ABCG2: variants seen among roughly 807,000 people sequenced by gnomAD.
ABCG2 encodes broad substrate specificity ATP-binding cassette transporter ABCG2.
A neutral mutation model predicts 73.5 loss-of-function variants in ABCG2; 80 were observed. The ratio of observed to expected loss-of-function variants is 1.09; its 90% CI spans 0.91 to 1.31. ABCG2 has a LOEUF of 1.31. ABCG2 is among the 50% of genes most tolerant of loss of function. The pLI, the probability that ABCG2 is intolerant of heterozygous loss-of-function variation, is 0.00. For missense variants in ABCG2, 796 were observed against 786.2 expected (o/e 1.01, Z -0.15); for synonymous variants, 269 against 282.4 (o/e 0.95, Z 0.48).
chr4:88,137,964 G>C (rs1350435190), intron 2 of ABCG2, among the ~76,000 whole-genome samples: 2 of 152,078 alleles, frequency 1.3e-5, no homozygotes, highest in Non-Finnish European at 2.9e-5. Flanking sequence ...AGGCCAGCCT[G>C]GGCAACGTAG....
At chr4:88,115,620 C>G (rs1053846381) in intron 7 of ABCG2, among the ~76,000 whole-genome samples, 1 of 124,772 alleles carries the variant, frequency 8.0e-6, no homozygotes, top group Non-Finnish European at 1.7e-5. Context: ...TGTCTCTGGG[C>G]CAAAAAAAAA....
intron 2 of ABCG2, 149 bp from the exon 3 acceptor site, chr4:88,132,784 A>G: frequency 1.1e-6 from 1 of 881,930 alleles, no homozygotes; most frequent in South Asian, 1.6e-5. Context: ...ACAAACAAAC[A>G]AAACAGGTCA....
intron 9 of ABCG2, among the ~76,000 whole-genome samples, chr4:88,111,580 T>A (rs1205155507): frequency 1.3e-5 from 2 of 152,144 alleles, no homozygotes; most frequent in Non-Finnish European, 2.9e-5. Context: ...CTCTTAGATA[T>A]ATTTTATATA....
Position 88,213,238 on chromosome 4 carries a change from A to G in ABCG2, c.-20+17756T>C, listed in dbSNP as rs73844328. Among the ~76,000 whole-genome samples, 1,249 of 152,250 alleles carry G rather than the reference A, an allele frequency of 8.2e-3. 20 individuals are homozygous for G. The highest frequency in any genetic ancestry group is 0.028 in the African/African-American group (1,181 of 41,538). The stretch of plus-strand genomic sequence containing the variant: ...TTTTAAATTCTTGATCAAGAATCTC[A>G]ATGCCGGGACCCTCAGTAATGCCTG... On this transcript the variant is annotated intron_variant, in intron 1 of 15. Coordinates refer to the ABCG2 transcript ENST00000515655.
chr4:88,108,558 T>A (rs576904428), intron 9 of ABCG2, among the ~76,000 whole-genome samples: 1 of 151,806 alleles, frequency 6.6e-6, no homozygotes, highest in South Asian at 2.1e-4. Flanking sequence ...TAAATAAGAA[T>A]AAAAAAATAA....
At chr4:88,227,815 A>G (rs1730284890) in intron 1 of ABCG2, among the ~76,000 whole-genome samples, 1 of 152,248 alleles carries the variant, frequency 6.6e-6, no homozygotes, top group Non-Finnish European at 1.5e-5. Context: ...ATTGCAAATT[A>G]TGACATAAAG....
intron 5 of ABCG2, among the ~76,000 whole-genome samples, chr4:88,127,306 G>A (rs1459209067): frequency 2.0e-5 from 3 of 152,122 alleles, no homozygotes; most frequent in Non-Finnish European, 4.4e-5. Flanking sequence ...CATGCTCATG[G>A]ATAGGAAGAA....
chr4:88,175,926 A>T (rs55987521), intron 1 of ABCG2, among the ~76,000 whole-genome samples: 36,132 of 152,000 alleles, frequency 0.24, 5,650 homozygotes, highest in African/African-American at 0.45. Context: ...TAGGTTATGA[A>T]TGGATAATGG....
chr4:88,100,727 G>A (rs867277378), intron 11 of ABCG2, among the ~76,000 whole-genome samples: 4 of 151,904 alleles, frequency 2.6e-5, no homozygotes, highest in Non-Finnish European at 5.9e-5. Context: ...AATGCCTTCC[G>A]GCTCGTGCCA....
intron 1 of ABCG2, among the ~76,000 whole-genome samples, chr4:88,150,766 T>A (rs1726413101): frequency 1.3e-5 from 2 of 152,182 alleles, no homozygotes; most frequent in Admixed American, 6.5e-5. Flanking sequence ...CAAGCTTGGT[T>A]TAAAGGATCA....
intron 1 of ABCG2, among the ~76,000 whole-genome samples, chr4:88,187,594 T>C (rs1380241075): frequency 6.6e-6 from 1 of 152,026 alleles, no homozygotes; most frequent in Non-Finnish European, 1.5e-5. Context: ...GCCTGGGCAA[T>C]AGAGCAAGAC....
chr4:88,195,775 GCTGTCTGCATGCACAGTGGC>G (rs1728919960), intron 1 of ABCG2, among the ~76,000 whole-genome samples: 1 of 152,150 alleles, frequency 6.6e-6, no homozygotes, highest in African/African-American at 2.4e-5. Flanking sequence ...CTTGGGCTGG[GCTGTCTGCATGCACAGTGGC>G]CTGTCAGCAC....
At chr4:88,200,162 T>TA (rs1447105163) in intron 1 of ABCG2, among the ~76,000 whole-genome samples, 1 of 151,796 alleles carries the variant, frequency 6.6e-6, no homozygotes, top group Non-Finnish European at 1.5e-5. Flanking sequence ...CCATCTCTAC[T>TA]AAAAATACAA....
At position 88,108,249 on chromosome 4, in the gene ABCG2, G is replaced by A. The variant is rs554244317; in HGVS notation, c.1195-983C>T. On this transcript the variant is annotated intron_variant, in intron 9 of 15. Coordinates refer to ENST00000237612, the MANE Select transcript of ABCG2 (RefSeq NM_004827.3). ...TTAAAAAACAAGAAATGGGCTGGGC[G>A]TGGTGGCTCATGCCTGTAATATCAG... Among the ~76,000 whole-genome samples the A allele has an allele frequency of 5.3e-5, 8 of 152,264 alleles. No homozygotes were observed. In the South Asian group the frequency reaches 6.2e-4, roughly 12 times the overall value.
chr4:88,151,477 G>A (rs190104243), intron 1 of ABCG2, among the ~76,000 whole-genome samples: 9 of 152,344 alleles, frequency 5.9e-5, no homozygotes, highest in Admixed American at 5.9e-4. Context: ...AGTGGCTCAT[G>A]CCTGTAATCC....
At chr4:88,137,838 G>A (rs1725357069) in intron 2 of ABCG2, among the ~76,000 whole-genome samples, 2 of 152,174 alleles carry the variant, frequency 1.3e-5, no homozygotes, top group Non-Finnish European at 2.9e-5. Context: ...TGAATGAAAA[G>A]GGTTATGTTC....
upstream of ABCG2, chr4:88,158,962 G>A: frequency 2.8e-6 from 1 of 352,936 alleles, no homozygotes; most frequent in South Asian, 2.1e-5. Context: ...TCGCGGGCGG[G>A]GGTGAGGCGT....
At chr4:88,148,273 G>A (rs1560714790) in intron 1 of ABCG2, among the ~76,000 whole-genome samples, 1 of 152,094 alleles carries the variant, frequency 6.6e-6, no homozygotes, top group Non-Finnish European at 1.5e-5. Flanking sequence ...AGGGACCACT[G>A]TACCCCAAGG....
chr4:88,211,358 G>GCCCGC lies in ABCG2; in HGVS notation c.-20+19635_-20+19636insGCGGG, dbSNP rs1729583953. Among the ~76,000 whole-genome samples, 6 of 33,648 alleles carry GCCCGC rather than the reference G, an allele frequency of 1.8e-4. No individual in the cohort carries two copies. In the Admixed American group the frequency reaches 2.6e-3, roughly 15 times the overall value. 22.1% of individuals were successfully genotyped at this position (33,648 alleles called of 152,430 possible). A position where few individuals can be genotyped will look rare whatever the true frequency, so the allele number is the denominator to read the frequency against. On this transcript the variant is annotated intron_variant, in intron 1 of 15. Coordinates refer to the ABCG2 transcript ENST00000515655. ...CCTGATAGGTAATTGTTCAACCCCT[G>GCCCGC]CCCCACCCCCCCCCACTTTTGGAGA...
Sources: gnomAD v4.1 joint callset for allele counts (sites outside exome capture counted in the v4.1 genomes callset) on GRCh38, gnomAD v4.1.1 for gene constraint, MANE v1.5 for transcripts, NCBI Gene and HGNC (gene_info 2026-07-23, HGNC 2026-07-21) for gene names.